Variants in LRRTM4 observed in about 807,000 individuals in gnomAD.
LRRTM4 encodes leucine rich repeat transmembrane neuronal 4.
Under a neutral mutation model 47.6 loss-of-function variants are expected in LRRTM4, and 25 were observed. That is an observed-to-expected ratio of 0.53 (90% CI 0.38 to 0.73). The LOEUF is 0.73. LRRTM4 is among the 30% of genes least tolerant of loss of function. LRRTM4 has a pLI of 0.00. For synonymous variants in LRRTM4, 311 were observed against 269.5 expected (o/e 1.15, Z -1.51); for missense variants, 638 against 713.4 (o/e 0.89, Z 1.20).
chr2:77,219,792 C>A (rs1674567037), intron 3 of LRRTM4, among the ~76,000 whole-genome samples: 1 of 152,152 alleles, frequency 6.6e-6, no homozygotes, highest in African/African-American at 2.4e-5. Context: ...AGGGCATAGA[C>A]AATCAAAACA....
At chr2:77,107,234 T>G (rs1204366375) in intron 3 of LRRTM4, among the ~76,000 whole-genome samples, 2 of 146,478 alleles carry the variant, frequency 1.4e-5, no homozygotes, top group Non-Finnish European at 3.0e-5. Context: ...TGTAGCAACA[T>G]TAAAAAGAAA....
intron 3 of LRRTM4, among the ~76,000 whole-genome samples, chr2:77,070,866 G>T (rs1279157865): frequency 6.6e-6 from 1 of 152,054 alleles, no homozygotes; most frequent in East Asian, 1.9e-4. Flanking sequence ...CCTGACCTCA[G>T]GTGACCCTCC....
At chr2:77,379,221 G>T (rs544662402) in intron 3 of LRRTM4, among the ~76,000 whole-genome samples, 5 of 152,040 alleles carry the variant, frequency 3.3e-5, no homozygotes, top group Admixed American at 2.0e-4. Flanking sequence ...TATTGGCAGT[G>T]GTTATTCTCA....
intron 3 of LRRTM4, among the ~76,000 whole-genome samples, chr2:77,208,419 A>C (rs963985106): frequency 7.2e-5 from 11 of 152,290 alleles, no homozygotes; most frequent in African/African-American, 2.4e-4. Flanking sequence ...TTCTATATAC[A>C]AGAAGGCAGA....
intron 3 of LRRTM4, among the ~76,000 whole-genome samples, chr2:77,282,696 T>C (rs766516171): frequency 5.3e-5 from 8 of 151,884 alleles, no homozygotes; most frequent in African/African-American, 1.2e-4. Flanking sequence ...GTTGAACACC[T>C]ACAACCATCT....
At chr2:77,306,730 T>A (rs1410161734) in intron 3 of LRRTM4, among the ~76,000 whole-genome samples, 1 of 151,708 alleles carries the variant, frequency 6.6e-6, no homozygotes, top group Non-Finnish European at 1.5e-5. Flanking sequence ...TATGCTGTTT[T>A]TCCTCCTCTC....
intron 3 of LRRTM4, among the ~76,000 whole-genome samples, chr2:77,121,618 C>T (rs1671522688): frequency 6.6e-6 from 1 of 151,690 alleles, no homozygotes; most frequent in Non-Finnish European, 1.5e-5. Flanking sequence ...GGCTTTGGTG[C>T]AAATAAATTA....
chr2:77,472,917 T>C (rs1239927136), intron 3 of LRRTM4, among the ~76,000 whole-genome samples: 2 of 152,172 alleles, frequency 1.3e-5, no homozygotes, highest in Admixed American at 6.5e-5. Context: ...GCTGAATTAA[T>C]CATCTTTTGC....
At chr2:76,846,379 T>C (rs567357458) in intron 3 of LRRTM4, among the ~76,000 whole-genome samples, 22 of 152,222 alleles carry the variant, frequency 1.4e-4, no homozygotes, top group African/African-American at 5.3e-4. Context: ...CTTAGGATAA[T>C]TTGCTCAGAA....
intron 3 of LRRTM4, among the ~76,000 whole-genome samples, chr2:76,901,218 C>G (rs986255891): frequency 6.6e-6 from 1 of 152,050 alleles, no homozygotes; most frequent in Non-Finnish European, 1.5e-5. Flanking sequence ...CAAACCCCTA[C>G]AGGCCCCAGT....
At position 76,775,883 on chromosome 2, in the gene LRRTM4, G is replaced by A. The variant is rs1443372807; in HGVS notation, c.1552-26967C>T. ...TAACTCGTCATCTAGCATTAGGTATGTCTCCCAATGCTATCCCTCCCGCCT... is the reference window on the plus strand; with the variant it reads ...TAACTCGTCATCTAGCATTAGGTATATCTCCCAATGCTATCCCTCCCGCCT... On this transcript the variant is annotated intron_variant, in intron 3 of 3. Transcript: ENST00000409884. Among the ~76,000 whole-genome samples the A allele has an allele frequency of 5.3e-5, 8 of 152,068 alleles. No individual in the cohort carries two copies. The East Asian group carries it at 1.4e-3, about 26-fold the overall frequency.
chr2:77,467,887 AT>A (rs1406097827), intron 3 of LRRTM4, among the ~76,000 whole-genome samples: 1 of 152,194 alleles, frequency 6.6e-6, no homozygotes, highest in African/African-American at 2.4e-5. Context: ...TTTTTAAAAA[AT>A]ATCAAAGGTT....
At chr2:76,768,957 T>G (rs1444722366) in intron 3 of LRRTM4, among the ~76,000 whole-genome samples, 1 of 152,154 alleles carries the variant, frequency 6.6e-6, no homozygotes, top group African/African-American at 2.4e-5. Flanking sequence ...ATGTCTTTTC[T>G]TGATGTACAC....
intron 3 of LRRTM4, among the ~76,000 whole-genome samples, chr2:77,334,464 G>C (rs1022720568): frequency 3.3e-5 from 5 of 152,158 alleles, no homozygotes; most frequent in Non-Finnish European, 1.5e-5. Context: ...TCTCATGATA[G>C]TGAATGAGTC....
chr2:77,136,551 T>A lies in LRRTM4; in HGVS notation c.1551+381767A>T, dbSNP rs1197100647. Among the ~76,000 whole-genome samples, 3 of 152,042 alleles carry A rather than the reference T, an allele frequency of 2.0e-5. No homozygotes were observed. In the East Asian group the frequency reaches 5.8e-4, roughly 29 times the overall value. On this transcript the variant is annotated intron_variant, in intron 3 of 3. Coordinates refer to ENST00000409884, the MANE Select transcript of LRRTM4 (RefSeq NM_001134745.3). The stretch of plus-strand genomic sequence containing the variant: ...AAAAACAGATCAGAAAAGCTGAAAA[T>A]TCTAAAAATCAGAGCGCCTCTCCCC...
At chr2:77,459,018 T>C (rs1344406854) in intron 3 of LRRTM4, among the ~76,000 whole-genome samples, 1 of 152,084 alleles carries the variant, frequency 6.6e-6, no homozygotes, top group Non-Finnish European at 1.5e-5. Context: ...ATGTTTATAA[T>C]ACTGTATGGA....
intron 3 of LRRTM4, among the ~76,000 whole-genome samples, chr2:77,421,199 C>T (rs1430894132): frequency 2.6e-5 from 4 of 152,178 alleles, no homozygotes; most frequent in South Asian, 2.1e-4. Context: ...TGAGTTATTA[C>T]GTCTCCTCTA....
At chr2:76,945,656 C>G (rs776872267) in intron 3 of LRRTM4, among the ~76,000 whole-genome samples, 15 of 151,388 alleles carry the variant, frequency 9.9e-5, no homozygotes, top group Non-Finnish European at 2.2e-4. Flanking sequence ...AATTCAAGAA[C>G]AAAAAGAAAA....
At chr2:76,800,608 C>G (rs796428401) in intron 3 of LRRTM4, among the ~76,000 whole-genome samples, 38 of 139,078 alleles carry the variant, frequency 2.7e-4, no homozygotes, top group Middle Eastern at 3.6e-3. Context: ...CAAATGGGAT[C>G]TAATTAAACT....
Sources: gnomAD v4.1 joint callset for allele counts (sites outside exome capture counted in the v4.1 genomes callset) on GRCh38, gnomAD v4.1.1 for gene constraint, MANE v1.5 for transcripts, NCBI Gene and HGNC (gene_info 2026-07-23, HGNC 2026-07-21) for gene names.